Variants in MACROD2 observed in about 807,000 individuals in gnomAD.
MACROD2 encodes the protein mono-ADP ribosylhydrolase 2, also known as ADP-ribose glycohydrolase MACROD2.
A neutral mutation model predicts 70.4 loss-of-function variants in MACROD2; 36 were observed. The observed-to-expected ratio is 0.51, with a 90% confidence interval of 0.39 to 0.68. The LOEUF (loss-of-function observed/expected upper bound fraction) is 0.68. Ranked by LOEUF, MACROD2 falls within the 30% of genes least tolerant of loss-of-function variation. The pLI, the probability that MACROD2 is intolerant of heterozygous loss-of-function variation, is 0.00. For missense variants in MACROD2, 496 were observed against 538.4 expected (o/e 0.92, Z 0.78); for synonymous variants, 172 against 178.8 (o/e 0.96, Z 0.30).
intron 15 of MACROD2, among the ~76,000 whole-genome samples, chr20:16,035,476 C>A (rs1443827487): frequency 6.6e-6 from 1 of 151,710 alleles, no homozygotes; most frequent in Non-Finnish European, 1.5e-5. Context: ...TGTACACTCA[C>A]CATTTGTAGT....
chr20:15,476,828 A>G (rs2047028541), intron 7 of MACROD2, among the ~76,000 whole-genome samples: 2 of 152,258 alleles, frequency 1.3e-5, no homozygotes, highest in East Asian at 3.9e-4. Context: ...CTACTTGGGA[A>G]CTTGAAAAAT....
chr20:15,122,625 T>C (rs2076038772), intron 5 of MACROD2, among the ~76,000 whole-genome samples: 1 of 152,202 alleles, frequency 6.6e-6, no homozygotes, highest in Non-Finnish European at 1.5e-5. Context: ...GTGGTATTCA[T>C]TATTTTACTC....
At chr20:14,329,579 C>T (rs1249722421) in intron 3 of MACROD2, among the ~76,000 whole-genome samples, 1 of 151,980 alleles carries the variant, frequency 6.6e-6, no homozygotes, top group Non-Finnish European at 1.5e-5. Context: ...AATTAAACAC[C>T]ATGGCTTTCA....
chr20:15,707,443 T>G (rs191762379), intron 8 of MACROD2, among the ~76,000 whole-genome samples: 95 of 152,300 alleles, frequency 6.2e-4, no homozygotes, highest in African/African-American at 2.1e-3. Flanking sequence ...AATAAGACTG[T>G]CCATGCCCCC....
intron 3 of MACROD2, among the ~76,000 whole-genome samples, chr20:14,425,961 T>G (rs1156623531): frequency 1.3e-5 from 2 of 152,174 alleles, no homozygotes; most frequent in Admixed American, 6.5e-5. Context: ...GATTGAAAGT[T>G]TTTTTCCTCA....
At chr20:15,178,327 G>A (rs1251488847) in intron 5 of MACROD2, among the ~76,000 whole-genome samples, 1 of 152,178 alleles carries the variant, frequency 6.6e-6, no homozygotes, top group African/African-American at 2.4e-5. Context: ...AACCTTAGTA[G>A]TGGCTACCAC....
At chr20:15,051,407 G>C (rs901708947) in intron 5 of MACROD2, among the ~76,000 whole-genome samples, 2 of 141,628 alleles carry the variant, frequency 1.4e-5, no homozygotes, top group Non-Finnish European at 3.0e-5. Context: ...TGTCATAGCA[G>C]CTGACAGATC....
chr20:15,785,828 T>A (rs1300257563), intron 8 of MACROD2, among the ~76,000 whole-genome samples: 1 of 152,034 alleles, frequency 6.6e-6, no homozygotes, highest in East Asian at 1.9e-4. Flanking sequence ...TCAATAATAC[T>A]TTTGGACCAG....
intron 8 of MACROD2, among the ~76,000 whole-genome samples, chr20:15,763,875 G>A (rs1337961227): frequency 6.6e-6 from 1 of 152,190 alleles, no homozygotes; most frequent in African/African-American, 2.4e-5. Flanking sequence ...TGAATAAAAA[G>A]ATACATGTTA....
intron 3 of MACROD2, among the ~76,000 whole-genome samples, chr20:14,437,335 C>T (rs2084067791): frequency 6.6e-6 from 1 of 152,110 alleles, no homozygotes; most frequent in Non-Finnish European, 1.5e-5. Context: ...TGGCTCACAC[C>T]TGTAATCCCA....
intron 8 of MACROD2, among the ~76,000 whole-genome samples, chr20:15,854,330 G>A (rs2064333913): frequency 6.6e-6 from 1 of 152,070 alleles, no homozygotes; most frequent in East Asian, 1.9e-4. Context: ...GGACCATATG[G>A]CAAGGAAATG....
chr20:14,677,566 A>G (rs1391944827), intron 4 of MACROD2, among the ~76,000 whole-genome samples: 4 of 152,200 alleles, frequency 2.6e-5, no homozygotes, highest in Non-Finnish European at 5.9e-5. Context: ...GTGGTAAATG[A>G]CAGGTATGTC....
intron 3 of MACROD2, among the ~76,000 whole-genome samples, chr20:14,315,925 C>A (rs1257050004): frequency 6.6e-6 from 1 of 152,168 alleles, no homozygotes; most frequent in Non-Finnish European, 1.5e-5. Flanking sequence ...GGCAAGTGTA[C>A]TCTGAATATA....
At chr20:15,278,553 A>G (rs1422756914) in intron 6 of MACROD2, among the ~76,000 whole-genome samples, 1 of 152,182 alleles carries the variant, frequency 6.6e-6, no homozygotes, top group African/African-American at 2.4e-5. Context: ...AGCTACTGAA[A>G]TAGTAATAGA....
chr20:14,664,080 T>C (rs2070710140), intron 4 of MACROD2, among the ~76,000 whole-genome samples: 1 of 152,120 alleles, frequency 6.6e-6, no homozygotes, highest in Non-Finnish European at 1.5e-5. Flanking sequence ...GAACAACATA[T>C]TTTTAATTTT....
intron 8 of MACROD2, among the ~76,000 whole-genome samples, chr20:15,573,331 C>A (rs2048400283): frequency 6.6e-6 from 1 of 151,904 alleles, no homozygotes; most frequent in South Asian, 2.1e-4. Flanking sequence ...TTTGCTTTTT[C>A]CCCTGAGAAT....
intron 3 of MACROD2, among the ~76,000 whole-genome samples, chr20:14,368,169 T>C (rs1209339857): frequency 1.3e-5 from 2 of 152,230 alleles, no homozygotes; most frequent in Non-Finnish European, 2.9e-5. Flanking sequence ...CCAAAGTGTA[T>C]GCTCCCTCAA....
At chr20:14,180,359 C>T (rs1204248427) in intron 3 of MACROD2, among the ~76,000 whole-genome samples, 1 of 152,084 alleles carries the variant, frequency 6.6e-6, no homozygotes, top group African/African-American at 2.4e-5. Flanking sequence ...TTTTTTGATA[C>T]ATTCCAGGTT....
Position 14,325,461 on chromosome 20 carries a change from C to T in MACROD2, c.272-168018C>T, listed in dbSNP as rs541726266. ...ACAGTACATTGCTTTTTTTCAGTCT[C>T]TTTTTCCAGTGTTTTGCAGTAGAAC... On this transcript the variant is annotated intron_variant, in intron 3 of 17. Transcript: ENST00000684519. 3.0e-5 allele frequency: 39 copies of T among 1,315,600 alleles called. No individual in the cohort carries two copies. The East Asian group carries it at 5.6e-4, about 19-fold the overall frequency. The allele number at this position is 1,315,600 out of a possible 1,614,324, so 81.5% of individuals were successfully genotyped here. A position where few individuals can be genotyped will look rare whatever the true frequency, so the allele number is the denominator to read the frequency against.
Sources: allele counts gnomAD v4.1 joint callset (sites outside exome capture counted in the v4.1 genomes callset), GRCh38; gene constraint gnomAD v4.1.1; transcripts MANE v1.5; gene names NCBI Gene and HGNC (gene_info 2026-07-23, HGNC 2026-07-21).